The following ANXA8 variants were observed in gnomAD, a reference collection of about 807,000 sequenced individuals.
The protein encoded by ANXA8 is VAC-beta.
ANXA8 carries 9 observed loss-of-function variants against 26.8 expected under a neutral mutation model. That is an observed-to-expected ratio of 0.34 (90% CI 0.20 to 0.59). The LOEUF (loss-of-function observed/expected upper bound fraction) is 0.59. Among genes scored for constraint, ANXA8 ranks in the 20% least tolerant of loss-of-function variants. The probability of loss-of-function intolerance (pLI) is 0.84; values close to 1 mark genes in which losing one functional copy is unlikely to be tolerated. For missense variants in ANXA8, 83 were observed against 238.5 expected (o/e 0.35, Z 4.29); for synonymous variants, 39 against 94.8 (o/e 0.41, Z 3.42).
chr10:47,578,015 AAAAAG>A, the ANXA8 span, among the ~76,000 whole-genome samples: 2 of 46,238 alleles, frequency 4.3e-5, no homozygotes, highest in Admixed American at 2.2e-4. Flanking sequence ...AAAAAAAAAA[AAAAAG>A]AAAAAGAATG....
chr10:47,702,595 C>T, the ANXA8 span, among the ~76,000 whole-genome samples: 1 of 151,514 alleles, frequency 6.6e-6, no homozygotes, highest in African/African-American at 2.4e-5. Flanking sequence ...CCCACTTTGG[C>T]CTCCCAAAGT....
At chr10:47,530,458 C>T in the ANXA8 span, among the ~76,000 whole-genome samples, 4 of 148,156 alleles carry the variant, frequency 2.7e-5, no homozygotes, top group African/African-American at 5.1e-5. Flanking sequence ...GAGGCTGAGG[C>T]GGGTGGATCA....
the ANXA8 span, among the ~76,000 whole-genome samples, chr10:47,967,543 C>A: frequency 1.0e-5 from 1 of 97,526 alleles, no homozygotes; most frequent in African/African-American, 4.0e-5. Context: ...GTTCCCATAC[C>A]CTCCCCTTCT....
At chr10:47,732,781 A>G in the ANXA8 span, among the ~76,000 whole-genome samples, 1 of 143,684 alleles carries the variant, frequency 7.0e-6, no homozygotes, top group Non-Finnish European at 1.5e-5. Context: ...AGTTGACAAC[A>G]TTGGGTGCAT....
the ANXA8 span, among the ~76,000 whole-genome samples, chr10:47,958,137 G>A: frequency 6.7e-6 from 1 of 150,300 alleles, no homozygotes; most frequent in South Asian, 2.1e-4. Context: ...CACCATGACT[G>A]TCCCTCCATT....
the ANXA8 span, among the ~76,000 whole-genome samples, chr10:47,738,712 G>T: frequency 6.6e-6 from 1 of 151,860 alleles, no homozygotes; most frequent in Non-Finnish European, 1.5e-5. Context: ...TGGTAACTGG[G>T]GCTACAGGCA....
the ANXA8 span, among the ~76,000 whole-genome samples, chr10:47,586,522 T>G: frequency 6.9e-6 from 1 of 145,222 alleles, no homozygotes. Context: ...TCCTTTCAAC[T>G]TGACACTAGC....
At chr10:47,692,977 C>T in the ANXA8 span, among the ~76,000 whole-genome samples, 2 of 151,462 alleles carry the variant, frequency 1.3e-5, no homozygotes, top group Admixed American at 6.6e-5. Flanking sequence ...TCAGGTGATC[C>T]GCCCACCTCG....
At chr10:47,628,884 T>C in the ANXA8 span, among the ~76,000 whole-genome samples, 8 of 144,572 alleles carry the variant, frequency 5.5e-5, no homozygotes, top group Non-Finnish European at 7.5e-5. Context: ...TGTTGCTTTA[T>C]CTAATTAGAT....
the ANXA8 span, among the ~76,000 whole-genome samples, chr10:47,516,490 C>T: frequency 7.8e-6 from 1 of 128,174 alleles, no homozygotes; most frequent in Non-Finnish European, 1.6e-5. Flanking sequence ...ATTTTAACAT[C>T]TCCACCCAGG....
At chr10:47,636,538 A>G in the ANXA8 span, among the ~76,000 whole-genome samples, 1 of 145,000 alleles carries the variant, frequency 6.9e-6, no homozygotes, top group African/African-American at 2.7e-5. Context: ...GGTATAAAAA[A>G]ATTGTACACC....
the ANXA8 span, among the ~76,000 whole-genome samples, chr10:47,701,172 C>T: frequency 6.7e-6 from 1 of 149,940 alleles, no homozygotes; most frequent in East Asian, 2.0e-4. Flanking sequence ...ATGGAGATAC[C>T]ATTTCTCACC....
chr10:47,751,024 TA>T, the ANXA8 span: 46 of 146,704 alleles, frequency 3.1e-4, no homozygotes, highest in African/African-American at 1.0e-3. Context: ...TATTTGTAAT[TA>T]AAAAAATCTT....
At chr10:47,575,166 T>TG in the ANXA8 span, among the ~76,000 whole-genome samples, 4 of 119,920 alleles carry the variant, frequency 3.3e-5, no homozygotes, top group Admixed American at 4.0e-4. Flanking sequence ...ATTGTGCCAT[T>TG]GCACTCCAGC....
At chr10:47,668,496 A>G in the ANXA8 span, among the ~76,000 whole-genome samples, 7 of 151,030 alleles carry the variant, frequency 4.6e-5, no homozygotes, top group African/African-American at 1.7e-4. Flanking sequence ...CGAACTCTTA[A>G]GCGCCAAGCA....
the ANXA8 span, among the ~76,000 whole-genome samples, chr10:47,678,794 A>C: frequency 1.3e-5 from 2 of 150,420 alleles, no homozygotes; most frequent in Admixed American, 1.3e-4. Context: ...TAATCCTAGC[A>C]CTTTGGGGGG....
At chr10:47,672,879 A>G in the ANXA8 span, among the ~76,000 whole-genome samples, 1 of 151,662 alleles carries the variant, frequency 6.6e-6, no homozygotes. Context: ...AAGCAGGATA[A>G]GAAGTACGGT....
At chr10:47,685,334 G>A in the ANXA8 span, among the ~76,000 whole-genome samples, 91 of 140,152 alleles carry the variant, frequency 6.5e-4, 1 homozygote, top group Non-Finnish European at 1.1e-3. Flanking sequence ...TGACAAAAGC[G>A]AGAATCTGTC....
chr10:47,599,836 TCA>T, the ANXA8 span: 3 of 149,974 alleles, frequency 2.0e-5, no homozygotes, highest in Non-Finnish European at 4.4e-5. Context: ...AGTTCGTTCC[TCA>T]CACGCACTGT....
Sources: allele counts gnomAD v4.1 joint callset (sites outside exome capture counted in the v4.1 genomes callset), GRCh38; gene constraint gnomAD v4.1.1; transcripts MANE v1.5; gene names NCBI Gene and HGNC (gene_info 2026-07-23, HGNC 2026-07-21).